The following NAALADL2 variants were observed in gnomAD, a reference collection of about 807,000 sequenced individuals.
NAALADL2 encodes inactive N-acetylated-alpha-linked acidic dipeptidase-like protein 2.
NAALADL2 carries 76 observed loss-of-function variants against 87.2 expected under a neutral mutation model. That is an observed-to-expected ratio of 0.87 (90% confidence interval 0.72 to 1.05). The LOEUF (loss-of-function observed/expected upper bound fraction) is 1.05. NAALADL2 is among the 50% of genes least tolerant of loss of function. The pLI is 0.00. For synonymous variants in NAALADL2, 354 were observed against 331.0 expected (o/e 1.07, Z -0.75); for missense variants, 1,089 against 945.8 (o/e 1.15, Z -1.99).
chr3:174,685,713 G>A (rs1254605601), intron 2 of NAALADL2, among the ~76,000 whole-genome samples: 2 of 151,972 alleles, frequency 1.3e-5, no homozygotes, highest in African/African-American at 2.4e-5. Context: ...TTGCAGATTT[G>A]TTACATAGGT....
At chr3:174,584,655 T>C (rs1716518017) in intron 2 of NAALADL2, among the ~76,000 whole-genome samples, 1 of 152,276 alleles carries the variant, frequency 6.6e-6, no homozygotes, top group African/African-American at 2.4e-5. Context: ...TAGCTAATTA[T>C]CCTGGGGAAG....
chr3:175,588,037 T>A (rs1720795120), intron 10 of NAALADL2, among the ~76,000 whole-genome samples: 1 of 151,684 alleles, frequency 6.6e-6, no homozygotes, highest in South Asian at 2.1e-4. Flanking sequence ...AAAGGGGAGT[T>A]GTGGACTCTG....
intron 2 of NAALADL2, among the ~76,000 whole-genome samples, chr3:174,605,746 C>CA (rs148897984): frequency 8.9e-4 from 129 of 144,698 alleles, no homozygotes; most frequent in African/African-American, 2.4e-3. Flanking sequence ...AGGGCACAGA[C>CA]AAAAAAAAAA....
chr3:175,199,833 T>TATATA (rs1739569093), intron 2 of NAALADL2, among the ~76,000 whole-genome samples: 1 of 12,042 alleles, frequency 8.3e-5, no homozygotes, highest in Non-Finnish European at 1.5e-4. Context: ...TATATATATA[T>TATATA]ATATATATAT....
chr3:175,548,950 C>T (rs1364864770), intron 9 of NAALADL2, among the ~76,000 whole-genome samples: 3 of 151,932 alleles, frequency 2.0e-5, no homozygotes, highest in Non-Finnish European at 2.9e-5. Flanking sequence ...ATTTATTATT[C>T]CTATCACACT....
chr3:175,265,696 C>T (rs1047691005), intron 4 of NAALADL2, among the ~76,000 whole-genome samples: 2 of 151,434 alleles, frequency 1.3e-5, no homozygotes, highest in Admixed American at 6.6e-5. Flanking sequence ...CTCCCTAAAA[C>T]TTTTGTAATT....
At chr3:175,705,838 G>A (rs535676210) in intron 11 of NAALADL2, among the ~76,000 whole-genome samples, 1 of 152,162 alleles carries the variant, frequency 6.6e-6, no homozygotes, top group Non-Finnish European at 1.5e-5. Context: ...TTATCTAACT[G>A]TGCTCCTTGT....
chr3:174,935,634 A>G (rs992288564), intron 1 of NAALADL2, among the ~76,000 whole-genome samples: 1 of 152,186 alleles, frequency 6.6e-6, no homozygotes, highest in Non-Finnish European at 1.5e-5. Flanking sequence ...TTTTGAGTAA[A>G]GAGTAAATAT....
intron 3 of NAALADL2, among the ~76,000 whole-genome samples, chr3:174,789,790 G>A (rs1204372762): frequency 3.3e-5 from 5 of 152,186 alleles, no homozygotes; most frequent in Admixed American, 3.3e-4. Context: ...CAATGGCTAA[G>A]TGAAGTAAAC....
intron 9 of NAALADL2, among the ~76,000 whole-genome samples, chr3:175,514,742 C>T (rs1731617029): frequency 6.6e-6 from 1 of 152,058 alleles, no homozygotes; most frequent in African/African-American, 2.4e-5. Flanking sequence ...TATTAAGAGG[C>T]ACACTAGAGG....
intron 4 of NAALADL2, among the ~76,000 whole-genome samples, chr3:175,272,545 C>T (rs1201252697): frequency 6.6e-6 from 1 of 152,116 alleles, no homozygotes; most frequent in African/African-American, 2.4e-5. Flanking sequence ...TTTATTCAAT[C>T]ACACAAATGT....
intron 1 of NAALADL2, among the ~76,000 whole-genome samples, chr3:174,992,256 T>C: frequency 6.6e-6 from 1 of 152,092 alleles, no homozygotes; most frequent in East Asian, 1.9e-4. Context: ...AGTTGAAGAT[T>C]GAATTTTCTG....
At chr3:175,516,408 T>C (rs991586709) in intron 9 of NAALADL2, among the ~76,000 whole-genome samples, 2 of 152,132 alleles carry the variant, frequency 1.3e-5, no homozygotes, top group Non-Finnish European at 2.9e-5. Context: ...TTGATATGTG[T>C]GAGATAAGTG....
At chr3:175,786,604 A>C (rs1415836387) in intron 13 of NAALADL2, among the ~76,000 whole-genome samples, 3 of 151,928 alleles carry the variant, frequency 2.0e-5, no homozygotes, top group African/African-American at 7.3e-5. Context: ...CATTCTTCTA[A>C]ATTTTTTTCA....
At chr3:175,309,160 A>T (rs772277520) in intron 4 of NAALADL2, among the ~76,000 whole-genome samples, 2 of 152,184 alleles carry the variant, frequency 1.3e-5, no homozygotes, top group African/African-American at 4.8e-5. Flanking sequence ...CCTGATTGGT[A>T]AGGAAAATGT....
chr3:175,007,256 G>A (rs934687126), intron 1 of NAALADL2, among the ~76,000 whole-genome samples: 1 of 151,774 alleles, frequency 6.6e-6, no homozygotes, highest in Non-Finnish European at 1.5e-5. Flanking sequence ...ACAAGTATCA[G>A]ATGGAGACTT....
chr3:174,780,709 C>CA (rs1260099736), intron 3 of NAALADL2, among the ~76,000 whole-genome samples: 1 of 152,038 alleles, frequency 6.6e-6, no homozygotes, highest in African/African-American at 2.4e-5. Flanking sequence ...GGAATTTTAT[C>CA]AAAGGCCTTT....
intron 11 of NAALADL2, among the ~76,000 whole-genome samples, chr3:175,627,715 T>C (rs1281188035): frequency 1.3e-5 from 2 of 151,668 alleles, no homozygotes; most frequent in Non-Finnish European, 3.0e-5. Flanking sequence ...TTCTGCCTGA[T>C]AGGTATGTCT....
At chr3:175,559,636 T>C (rs1715947736) in intron 9 of NAALADL2, among the ~76,000 whole-genome samples, 1 of 152,192 alleles carries the variant, frequency 6.6e-6, no homozygotes. Flanking sequence ...TTTTTGACGG[T>C]TTTATCATGA....
Sources: gnomAD v4.1 joint callset for allele counts (sites outside exome capture counted in the v4.1 genomes callset) on GRCh38, gnomAD v4.1.1 for gene constraint, MANE v1.5 for transcripts, NCBI Gene and HGNC (gene_info 2026-07-23, HGNC 2026-07-21) for gene names.